The following TLK1 variants were observed in gnomAD, a reference collection of about 807,000 sequenced individuals.
TLK1 encodes the protein tousled like kinase 1.
A neutral mutation model predicts 105.3 loss-of-function variants in TLK1; 24 were observed. That is an observed-to-expected ratio of 0.23 (90% CI 0.17 to 0.32). The LOEUF is 0.32. Ranked by LOEUF, TLK1 falls within the 10% of genes least tolerant of loss-of-function variation. The pLI is 1.00. For missense variants in TLK1, 558 were observed against 910.5 expected (o/e 0.61, Z 4.98); for synonymous variants, 321 against 310.4 (o/e 1.03, Z -0.36).
chr2:171,189,164 A>G (rs1693094284), intron 1 of TLK1, among the ~76,000 whole-genome samples: 1 of 147,028 alleles, frequency 6.8e-6, no homozygotes, highest in Admixed American at 6.7e-5. Flanking sequence ...TTGATAGTAC[A>G]ATTTTTTTTT....
intron 2 of TLK1, among the ~76,000 whole-genome samples, chr2:171,089,322 T>C (rs1689120387): frequency 6.6e-6 from 1 of 152,246 alleles, no homozygotes; most frequent in Non-Finnish European, 1.5e-5. Context: ...CTACTGCCTT[T>C]TGGAACCTAT....
At chr2:171,153,871 C>A (rs753392858) in intron 1 of TLK1, 5 of 152,134 alleles carry the variant, frequency 3.3e-5, no homozygotes, top group Admixed American at 6.5e-5. Flanking sequence ...AACTTAAATA[C>A]CCTTTGGTAT....
Position 171,006,188 on chromosome 2 carries a change from T to C in TLK1, c.1863A>G (p.Val621=), listed in dbSNP as rs775404308. The change falls in exon 18 of 21, where the codon GTA becomes GTG. Residue 621 remains valine (V), a synonymous_variant. Coordinates refer to ENST00000431350, the MANE Select transcript of TLK1 (RefSeq NM_012290.5). The part of the protein sequence containing the change: ...SKIMDDDSYG[V]DGMDLTSQGA... ...CCTGGGAAGTTAGATCCATTCCATC[T>C]ACACCATAGCTATCATCATCCATAA... The C allele has an allele frequency of 6.2e-7, 1 of 1,609,354 alleles. No individual in the cohort carries two copies. The highest frequency in any genetic ancestry group is 8.5e-7 in the Non-Finnish European group (1 of 1,178,078).
intron 12 of TLK1, among the ~76,000 whole-genome samples, chr2:171,021,433 CT>C (rs531522490): frequency 5.1e-5 from 6 of 116,812 alleles, no homozygotes; most frequent in African/African-American, 2.0e-4. Flanking sequence ...CCCGCCCCGA[CT>C]TTTTTTTTTT....
chr2:171,038,496 T>C (rs2105409818), intron 11 of TLK1, among the ~76,000 whole-genome samples: 1 of 152,312 alleles, frequency 6.6e-6, no homozygotes, highest in Non-Finnish European at 1.5e-5. Flanking sequence ...TTTACCAATT[T>C]TGTTATGTAG....
At chr2:171,133,123 T>C (rs1691169236) in intron 1 of TLK1, among the ~76,000 whole-genome samples, 1 of 152,170 alleles carries the variant, frequency 6.6e-6, no homozygotes, top group Admixed American at 6.5e-5. Flanking sequence ...TTAGTCAAGT[T>C]GAAAATTAAA....
intron 2 of TLK1, among the ~76,000 whole-genome samples, chr2:171,091,289 T>A (rs13425247): frequency 0.39 from 58,710 of 151,900 alleles, 12,609 homozygotes; most frequent in African/African-American, 0.56. Context: ...AGAGGAGCTA[T>A]ATGGGTTAAG....
At chr2:171,135,720 T>C (rs566185413) in intron 1 of TLK1, among the ~76,000 whole-genome samples, 3 of 152,076 alleles carry the variant, frequency 2.0e-5, no homozygotes, top group Admixed American at 2.0e-4. Context: ...GAGAATCGCT[T>C]GAACCCGGGA....
chr2:171,123,756 G>C (rs891451360), intron 1 of TLK1, among the ~76,000 whole-genome samples: 3 of 152,214 alleles, frequency 2.0e-5, no homozygotes, highest in African/African-American at 7.2e-5. Flanking sequence ...GGCTTGCAGT[G>C]AGTCATGATT....
intron 2 of TLK1, among the ~76,000 whole-genome samples, chr2:171,091,224 C>T (rs1388013587): frequency 1.3e-5 from 2 of 152,180 alleles, no homozygotes; most frequent in Non-Finnish European, 2.9e-5. Flanking sequence ...AGTTTGCCGA[C>T]CTCTGCTACA....
intron 2 of TLK1, among the ~76,000 whole-genome samples, chr2:171,095,097 C>T (rs543262898): frequency 6.6e-6 from 1 of 152,120 alleles, no homozygotes; most frequent in African/African-American, 2.4e-5. Context: ...AACAAAAACA[C>T]TGCATATCAA....
chr2:171,053,552 G>C (rs779734728), intron 8 of TLK1, among the ~76,000 whole-genome samples: 2 of 152,012 alleles, frequency 1.3e-5, no homozygotes, highest in Non-Finnish European at 2.9e-5. Flanking sequence ...TAGTAGAAAC[G>C]GGGTTTCACC....
chr2:171,149,213 A>C (rs1486578253), intron 1 of TLK1, among the ~76,000 whole-genome samples: 1 of 149,886 alleles, frequency 6.7e-6, no homozygotes, highest in South Asian at 2.1e-4. Flanking sequence ...TCTAAAAAAA[A>C]GGGTAGGGGC....
At chr2:171,125,433 T>C (rs1690828528) in intron 1 of TLK1, among the ~76,000 whole-genome samples, 1 of 152,202 alleles carries the variant, frequency 6.6e-6, no homozygotes, top group Non-Finnish European at 1.5e-5. Flanking sequence ...TATTTTTCTC[T>C]TCTTTCCTTT....
At chr2:171,052,263 C>T (rs996696842) in intron 8 of TLK1, among the ~76,000 whole-genome samples, 35 of 151,386 alleles carry the variant, frequency 2.3e-4, no homozygotes, top group African/African-American at 7.0e-4. Context: ...TGTCACTTAG[C>T]GGGGGAAAAA....
chr2:171,197,183 G>A (rs1372413386), intron 1 of TLK1, among the ~76,000 whole-genome samples: 1 of 151,954 alleles, frequency 6.6e-6, no homozygotes, highest in East Asian at 1.9e-4. Flanking sequence ...AAAAAATAAG[G>A]AAAATATATG....
chr2:171,015,688 TACACACACACATATACAC>T (rs1446702811), intron 12 of TLK1, among the ~76,000 whole-genome samples: 1 of 4,262 alleles, frequency 2.3e-4, no homozygotes, highest in Non-Finnish European at 7.2e-4. Context: ...CATTCATTCA[TACACACACACATATACAC>T]ACACACACAC....
At chr2:171,143,506 C>CAAAAAAAAAAAAAAAAAAAAAA (rs577555732) in intron 1 of TLK1, among the ~76,000 whole-genome samples, 1 of 44,282 alleles carries the variant, frequency 2.3e-5, no homozygotes, top group Admixed American at 3.9e-4. Flanking sequence ...ACTCTATCTC[C>CAAAAAAAAAAAAAAAAAAAAAA]AAAAAAAAAA....
intron 12 of TLK1, among the ~76,000 whole-genome samples, chr2:171,026,083 G>A (rs1370268587): frequency 6.6e-6 from 1 of 151,998 alleles, no homozygotes; most frequent in Non-Finnish European, 1.5e-5. Context: ...TTGTAAATTA[G>A]TTAAAAAGAA....
Sources: gnomAD v4.1 joint callset for allele counts (sites outside exome capture counted in the v4.1 genomes callset) on GRCh38, gnomAD v4.1.1 for gene constraint, MANE v1.5 for transcripts, NCBI Gene and HGNC (gene_info 2026-07-23, HGNC 2026-07-21) for gene names.